Variants in CHD6 observed in about 807,000 individuals in gnomAD.
CHD6 encodes chromodomain helicase DNA binding protein 6, also known as ATP-dependent chromatin remodeler CHD6.
In CHD6, 50 loss-of-function variants were observed where a neutral mutation model predicts 276.9. The observed-to-expected ratio is 0.18, with a 90% CI of 0.14 to 0.23. The LOEUF (loss-of-function observed/expected upper bound fraction) is 0.23, where lower values mean the gene tolerates loss of function less well. Among genes scored for constraint, CHD6 ranks in the 10% least tolerant of loss-of-function variants. The probability of loss-of-function intolerance (pLI) is 1.00; values close to 1 mark genes in which losing one functional copy is unlikely to be tolerated. For synonymous variants in CHD6, 1,173 were observed against 1,229.3 expected (o/e 0.95, Z 0.96); for missense variants, 2,564 against 3,365.8 (o/e 0.76, Z 5.89).
chr20:41,525,990 A>G (rs1470459866), intron 3 of CHD6, among the ~76,000 whole-genome samples: 1 of 152,128 alleles, frequency 6.6e-6, no homozygotes, highest in Non-Finnish European at 1.5e-5. Context: ...CTTTCCCTAT[A>G]AAAAAACTCA....
chr20:41,416,880 A>C, intron 32 of CHD6, 86 bp from the exon 33 acceptor site: 1 of 1,170,174 alleles, frequency 8.5e-7, no homozygotes, highest in Non-Finnish European at 1.2e-6. Context: ...TAAGCTTTTC[A>C]CCAGAAGGAG....
intron 1 of CHD6, among the ~76,000 whole-genome samples, chr20:41,604,524 C>A (rs529826470): frequency 2.0e-5 from 3 of 152,198 alleles, no homozygotes; most frequent in African/African-American, 7.2e-5. Context: ...CTATGAAAAT[C>A]ATTTCCTAGT....
intron 1 of CHD6, among the ~76,000 whole-genome samples, chr20:41,561,577 C>T (rs1328490356): frequency 1.3e-5 from 2 of 152,212 alleles, no homozygotes; most frequent in Admixed American, 6.5e-5. Context: ...TGGTGGACTC[C>T]TAGGTTTCTC....
intron 13 of CHD6, among the ~76,000 whole-genome samples, chr20:41,488,186 C>T (rs1254330718): frequency 1.3e-5 from 2 of 152,186 alleles, no homozygotes; most frequent in Non-Finnish European, 2.9e-5. Flanking sequence ...TCATATATTT[C>T]ATGGTATTTA....
rs1359579131 is a variant in CHD6 at position 41,425,251 on chromosome 20, C to G, written c.4273G>C (p.Gly1425Arg). ...RPEILGPGNQ[G>R]YWVQEEMFRR... is the part of the protein sequence containing the mutation. ...AACATCTCTTCCTGAACCCAATATCCTTGGTTACCTGGTCCCAGAATTTCA... is the reference window on the plus strand; with the variant it reads ...AACATCTCTTCCTGAACCCAATATCGTTGGTTACCTGGTCCCAGAATTTCA... Residue 1425 changes from glycine (G) to arginine (R), a missense_variant, in exon 29 of 37, where the codon GGA (glycine) becomes CGA (arginine). Gly to Arg is a moderately radical substitution (Grantham distance 125, BLOSUM62 -2). This residue lies in a region of CHD6 where 515 missense variants were observed against 739.5 expected (regional missense o/e 0.70). Coordinates refer to ENST00000373233, the MANE Select transcript of CHD6 (RefSeq NM_032221.5). 1 of 1,614,186 alleles carries G rather than the reference C, an allele frequency of 6.2e-7. No individual in the cohort carries two copies.
Position 41,440,113 on chromosome 20 carries a change from A to G in CHD6, c.3894T>C (p.Asn1298=), listed in dbSNP as rs141512088. The G allele has an allele frequency of 2.8e-5, 45 of 1,613,978 alleles. No homozygotes were observed. In the African/African-American group the frequency reaches 5.7e-4, roughly 21 times the overall value. The stretch of plus-strand genomic sequence containing the variant: ...AAAGTGCTGGGTCTGCTCGCATGGC[A>G]TTGTACCTTTCATAACCTGATCAAG... The part of the protein sequence containing the change: ...GVFKHGYERY[N]AMRADPALCF... Residue 1298 remains asparagine (N), a synonymous_variant, in exon 26 of 37, where the codon AAT becomes AAC. Transcript: ENST00000373233.
intron 1 of CHD6, among the ~76,000 whole-genome samples, chr20:41,553,541 T>C (rs1439884581): frequency 6.6e-6 from 1 of 152,242 alleles, no homozygotes. Flanking sequence ...AGGAAAGTTT[T>C]AGGCTATTAG....
At chr20:41,571,273 T>G (rs1330358485) in intron 1 of CHD6, among the ~76,000 whole-genome samples, 1 of 152,060 alleles carries the variant, frequency 6.6e-6, no homozygotes, top group Non-Finnish European at 1.5e-5. Flanking sequence ...AGCTTAGAAG[T>G]TGCTGCTTAA....
Position 41,405,461 on chromosome 20 carries a change from T to G in CHD6, c.7280A>C (p.His2427Pro). The change falls in exon 37 of 37, where the codon CAC becomes CCC. Residue 2427 changes from histidine to proline, a missense_variant. His to Pro is a moderately conservative substitution (Grantham distance 77). Around this residue, in one of 7 missense-constraint regions of CHD6, gnomAD observed 1,024 missense variants for 1,047.9 expected, o/e 0.98. Transcript: ENST00000373233. ...RGFLPENKFN[H>P]TLAEPILRDT... The stretch of plus-strand genomic sequence containing the variant: ...TCGAAGAATAGGCTCAGCCAGAGTG[T>G]GATTGAACTTGTTTTCTGGAAGAAA... 2 of 1,558,568 alleles carry G rather than the reference T, an allele frequency of 1.3e-6. No homozygotes were observed. Among genetic ancestry groups the G allele is most frequent in the Non-Finnish European group, 1.7e-6 (2 of 1,153,682 alleles).
At chr20:41,455,246 C>T (rs536668048) in intron 19 of CHD6, among the ~76,000 whole-genome samples, 3 of 152,148 alleles carry the variant, frequency 2.0e-5, no homozygotes, top group Non-Finnish European at 4.4e-5. Context: ...TCAAACAGGT[C>T]ACAAAGCTCA....
At chr20:41,588,678 A>C (rs2045622765) in intron 1 of CHD6, among the ~76,000 whole-genome samples, 1 of 152,184 alleles carries the variant, frequency 6.6e-6, no homozygotes, top group African/African-American at 2.4e-5. Context: ...AGTTAGGCCT[A>C]AATCTTTGTA....
At chr20:41,445,580 C>G (rs1224200620) in intron 25 of CHD6, 85 bp downstream of exon 25, 1 of 779,688 alleles carries the variant, frequency 1.3e-6, no homozygotes, top group East Asian at 2.5e-5. Flanking sequence ...TTTGCAGGAA[C>G]ATGCCGAGCT....
At chr20:41,545,380 T>C (rs1473240822) in intron 2 of CHD6, among the ~76,000 whole-genome samples, 1 of 152,188 alleles carries the variant, frequency 6.6e-6, no homozygotes. Context: ...AAGCATTTAA[T>C]GCTCAGACTT....
intron 1 of CHD6, among the ~76,000 whole-genome samples, chr20:41,586,677 A>G (rs1420879442): frequency 6.6e-6 from 1 of 152,214 alleles, no homozygotes; most frequent in Non-Finnish European, 1.5e-5. Context: ...GAGTGAGTCA[A>G]TCCTCAAAAA....
At chr20:41,572,457 C>T (rs1280808070) in intron 1 of CHD6, among the ~76,000 whole-genome samples, 1 of 152,196 alleles carries the variant, frequency 6.6e-6, no homozygotes, top group Non-Finnish European at 1.5e-5. Context: ...CAATAGCCTC[C>T]TGATGGCCTC....
intron 4 of CHD6, among the ~76,000 whole-genome samples, chr20:41,513,301 A>G (rs994401758): frequency 1.2e-4 from 19 of 152,296 alleles, no homozygotes; most frequent in African/African-American, 4.6e-4. Context: ...TCCCCCTTTC[A>G]GAATCCACTT....
Position 41,497,313 on chromosome 20 carries a change from A to G in CHD6, c.1092+71T>C, listed in dbSNP as rs2043711690. 25 of 983,004 alleles carry G rather than the reference A, an allele frequency of 2.5e-5. No homozygotes were observed. In the South Asian group the frequency reaches 3.1e-4, roughly 12 times the overall value. The allele number at this position is 983,004 out of a possible 1,614,324, so 60.9% of individuals were successfully genotyped here. On this transcript the variant is annotated intron_variant, in intron 8 of 36. Transcript: ENST00000373233. ...CTGTATAGGAATTTAACTTGGACTT[A>G]GAAACGTAAACACAGTATTTACTGC...
At chr20:41,558,495 G>A (rs552338257) in intron 1 of CHD6, among the ~76,000 whole-genome samples, 66 of 152,172 alleles carry the variant, frequency 4.3e-4, no homozygotes, top group Non-Finnish European at 7.9e-4. Flanking sequence ...ATGTTTTAAT[G>A]ATGTAAAAAC....
Position 41,413,424 on chromosome 20 carries a change from G to A in CHD6, c.7031C>T (p.Ala2344Val), listed in dbSNP as rs952713213. 6.2e-7 allele frequency: 1 copy of A among 1,612,018 alleles called. No individual in the cohort carries two copies. Among genetic ancestry groups the A allele is most frequent in the Non-Finnish European group, 8.5e-7 (1 of 1,179,898 alleles). ...GGATTTCTCGGCTTGGCTGCTGGCT[G>A]CCGTAGCTGGCTCAGGAGCCGAGGT... ...PATSAPEPAT[A>V]ASSQAEKSIP... Residue 2344 changes from alanine (A) to valine (V), a missense_variant, in exon 35 of 37, where the codon GCA becomes GTA. Physicochemically the swap from Ala to Val is moderately conservative, Grantham distance 64. Around this residue, in one of 7 missense-constraint regions of CHD6, gnomAD observed 1,024 missense variants for 1,047.9 expected, o/e 0.98. Coordinates refer to ENST00000373233, the MANE Select transcript of CHD6 (RefSeq NM_032221.5).
Sources: allele counts gnomAD v4.1 joint callset (sites outside exome capture counted in the v4.1 genomes callset), GRCh38; gene constraint gnomAD v4.1.1; regional missense constraint gnomAD v4.1.1; transcripts MANE v1.5; gene names NCBI Gene and HGNC (gene_info 2026-07-23, HGNC 2026-07-21).